The following GALNT13 variants were observed in gnomAD, a reference collection of about 807,000 sequenced individuals.
The protein encoded by GALNT13 is UDP-GalNAc:polypeptide N-acetylgalactosaminyltransferase 13.
In GALNT13, 28 loss-of-function variants were observed where a neutral mutation model predicts 64.2. That is an observed-to-expected ratio of 0.44 (90% confidence interval 0.32 to 0.60). The LOEUF (loss-of-function observed/expected upper bound fraction) is 0.60, where lower values mean the gene tolerates loss of function less well. Among genes scored for constraint, GALNT13 ranks in the 20% least tolerant of loss-of-function variants. GALNT13 has a pLI of 0.05. For missense variants in GALNT13, 577 were observed against 669.8 expected, an observed-to-expected ratio of 0.86 and a Z score of 1.53; for synonymous variants, 214 against 224.6, an observed-to-expected ratio of 0.95 and a Z score of 0.42.
chr2:154,010,594 A>G (rs928029837), intron 3 of GALNT13, among the ~76,000 whole-genome samples: 3 of 152,204 alleles, frequency 2.0e-5, no homozygotes, highest in East Asian at 1.9e-4. Context: ...AGATGATGCT[A>G]GCCTCTTGGA....
the GALNT13 span, among the ~76,000 whole-genome samples, chr2:153,836,004 T>C: frequency 6.6e-6 from 1 of 152,110 alleles, no homozygotes; most frequent in Admixed American, 6.6e-5. Context: ...ATGAAGCTAA[T>C]ATGAATTTAT....
the GALNT13 span, among the ~76,000 whole-genome samples, chr2:153,525,032 T>C: frequency 6.6e-6 from 1 of 152,170 alleles, no homozygotes; most frequent in Non-Finnish European, 1.5e-5. Context: ...GGGAGGACTT[T>C]GTCTTGCATT....
the GALNT13 span, among the ~76,000 whole-genome samples, chr2:153,277,829 T>G: frequency 6.6e-6 from 1 of 151,830 alleles, no homozygotes; most frequent in Non-Finnish European, 1.5e-5. Flanking sequence ...TGTCTTATTT[T>G]GAGAAGTATC....
intron 8 of GALNT13, among the ~76,000 whole-genome samples, chr2:154,268,143 C>T (rs891806604): frequency 1.3e-5 from 2 of 152,162 alleles, no homozygotes; most frequent in Non-Finnish European, 2.9e-5. Flanking sequence ...TGCCAATATT[C>T]ATAGCAGCTT....
chr2:153,321,630 C>T, the GALNT13 span, among the ~76,000 whole-genome samples: 4 of 151,996 alleles, frequency 2.6e-5, no homozygotes, highest in Non-Finnish European at 5.9e-5. Context: ...CCTAGATTCC[C>T]CCAAAAAGGT....
chr2:153,672,520 A>G, the GALNT13 span, among the ~76,000 whole-genome samples: 1 of 152,362 alleles, frequency 6.6e-6, no homozygotes, highest in South Asian at 2.1e-4. Flanking sequence ...CAAAGGCACA[A>G]CATACCAGAA....
the GALNT13 span, among the ~76,000 whole-genome samples, chr2:153,434,408 G>A: frequency 1.3e-5 from 2 of 152,134 alleles, no homozygotes; most frequent in African/African-American, 4.8e-5. Context: ...TCGCCACACC[G>A]ACTTCCACAA....
chr2:153,421,073 G>A, the GALNT13 span: 1 of 232,662 alleles, frequency 4.3e-6, no homozygotes, highest in African/African-American at 2.3e-5. Flanking sequence ...GTAATAGGCA[G>A]TAAGCCATGT....
At chr2:153,743,712 C>T in the GALNT13 span, among the ~76,000 whole-genome samples, 20 of 152,026 alleles carry the variant, frequency 1.3e-4, no homozygotes, top group Non-Finnish European at 2.6e-4. Context: ...CTAAAATGTA[C>T]AATTAAGTTA....
chr2:154,029,732 G>A (rs13427314), intron 3 of GALNT13, among the ~76,000 whole-genome samples: 2 of 151,946 alleles, frequency 1.3e-5, no homozygotes, highest in Admixed American at 1.3e-4. Flanking sequence ...GCAAAGATAT[G>A]ACTTACATAA....
the GALNT13 span, among the ~76,000 whole-genome samples, chr2:153,134,327 A>G: frequency 6.6e-6 from 1 of 151,994 alleles, no homozygotes; most frequent in East Asian, 1.9e-4. Flanking sequence ...TGAGTCCTCT[A>G]CTTTTGTGTG....
chr2:153,959,779 A>G (rs1184194152), intron 3 of GALNT13, among the ~76,000 whole-genome samples: 1 of 152,130 alleles, frequency 6.6e-6, no homozygotes, highest in Non-Finnish European at 1.5e-5. Context: ...TCCACCCATT[A>G]CTAGTCAGAG....
chr2:153,550,172 A>T, the GALNT13 span, among the ~76,000 whole-genome samples: 1 of 152,126 alleles, frequency 6.6e-6, no homozygotes, highest in Non-Finnish European at 1.5e-5. Flanking sequence ...TTATTCTATT[A>T]TCTGTGTTAT....
chr2:154,428,972 C>T (rs1234176056), intron 11 of GALNT13, among the ~76,000 whole-genome samples: 1 of 152,022 alleles, frequency 6.6e-6, no homozygotes, highest in Non-Finnish European at 1.5e-5. Context: ...ACCTATATAA[C>T]AACAGTGAAC....
chr2:153,226,812 G>A, the GALNT13 span, among the ~76,000 whole-genome samples: 4 of 152,274 alleles, frequency 2.6e-5, no homozygotes, highest in South Asian at 2.1e-4. Flanking sequence ...ATGGACTTCC[G>A]TTAAACATAA....
chr2:154,161,242 A>G (rs1376161461), intron 4 of GALNT13, among the ~76,000 whole-genome samples: 1 of 152,222 alleles, frequency 6.6e-6, no homozygotes, highest in Non-Finnish European at 1.5e-5. Flanking sequence ...TTGGTTCAAC[A>G]ACTGTATTCC....
At chr2:154,413,291 C>T (rs1007434405) in intron 11 of GALNT13, among the ~76,000 whole-genome samples, 2 of 151,868 alleles carry the variant, frequency 1.3e-5, no homozygotes, top group African/African-American at 4.8e-5. Flanking sequence ...CTTCTGAAGT[C>T]CGATTAGTCA....
the GALNT13 span, among the ~76,000 whole-genome samples, chr2:153,839,974 A>AT: frequency 5.3e-5 from 8 of 151,854 alleles, no homozygotes; most frequent in Non-Finnish European, 1.0e-4. Flanking sequence ...AACTTAGAAT[A>AT]TTTTTTTTCA....
At chr2:153,852,171 C>T in the GALNT13 span, among the ~76,000 whole-genome samples, 1 of 152,040 alleles carries the variant, frequency 6.6e-6, no homozygotes, top group Non-Finnish European at 1.5e-5. Context: ...ATATAGTACA[C>T]TTAAACCAAT....
Sources: gnomAD v4.1 joint callset for allele counts (sites outside exome capture counted in the v4.1 genomes callset) on GRCh38, gnomAD v4.1.1 for gene constraint, MANE v1.5 for transcripts, NCBI Gene and HGNC (gene_info 2026-07-23, HGNC 2026-07-21) for gene names.